Variants in GTF3C1 observed in about 807,000 individuals in gnomAD.
GTF3C1 encodes the protein general transcription factor 3C polypeptide 1.
Under a neutral mutation model 226.7 loss-of-function variants are expected in GTF3C1, and 57 were observed. The ratio of observed to expected loss-of-function variants is 0.25; its 90% CI spans 0.20 to 0.31. GTF3C1 has a LOEUF of 0.31. Ranked by LOEUF, GTF3C1 falls within the 10% of genes least tolerant of loss-of-function variation. The pLI, the probability that GTF3C1 is intolerant of heterozygous loss-of-function variation, is 1.00. For synonymous variants in GTF3C1, 1,090 were observed against 1,084.8 expected (o/e 1.00, Z -0.09); for missense variants, 2,217 against 2,776.1 (o/e 0.80, Z 4.53).
intron 32 of GTF3C1, chr16:27,465,754 A>G (rs912207445): frequency 3.5e-6 from 2 of 577,928 alleles, no homozygotes; most frequent in Non-Finnish European, 6.2e-6. Flanking sequence ...TGACTGGGAC[A>G]CAACAGCTGA....
chr16:27,522,219 T>C (rs1305423453), intron 6 of GTF3C1, among the ~76,000 whole-genome samples: 1 of 152,258 alleles, frequency 6.6e-6, no homozygotes, highest in Non-Finnish European at 1.5e-5. Context: ...CAATCAATTC[T>C]AGAACATTCT....
intron 19 of GTF3C1, among the ~76,000 whole-genome samples, chr16:27,491,311 G>C (rs190887612): frequency 6.6e-6 from 1 of 152,320 alleles, no homozygotes; most frequent in Admixed American, 6.5e-5. Flanking sequence ...TCTCCTGGTA[G>C]AGGTGGCAGG....
intron 4 of GTF3C1, among the ~76,000 whole-genome samples, chr16:27,536,853 G>C (rs556571294): frequency 6.6e-6 from 1 of 152,144 alleles, no homozygotes; most frequent in Admixed American, 6.5e-5. Flanking sequence ...CCACAAAAAA[G>C]GGCATGAGGT....
At chr16:27,521,405 C>T (rs571625557) in intron 6 of GTF3C1, among the ~76,000 whole-genome samples, 1 of 152,386 alleles carries the variant, frequency 6.6e-6, no homozygotes, top group South Asian at 2.1e-4. Flanking sequence ...CTTCCCCAGT[C>T]CTCACGCTCC....
chr16:27,505,894 C>G lies in GTF3C1; in HGVS notation c.1770+5G>C. 1.3e-6 allele frequency: 2 copies of G among 1,548,270 alleles called. No homozygotes were observed. The highest frequency in any genetic ancestry group is 1.8e-6 in the Non-Finnish European group (2 of 1,119,896). ...AGACAGCTCCCTCCCTCTGCATGCA[C>G]TGACCTTTGGGTTTTCCATCCGGAC... On this transcript the variant is annotated splice_donor_5th_base_variant and intron_variant, in intron 10 of 36. Transcript: ENST00000356183.
rs202098384 is a variant in GTF3C1, at chr16:27,470,360, G to A, written c.4562C>T (p.Thr1521Met). ...FTWRFPSTIC[T>M]ESFQFLDRMR... is the part of the protein sequence containing the mutation. Reference sequence around the variant, plus strand: ...TCTGTCCAAAAACTGGAATGACTCCGTGCAGATGGTGCTTGGAAATCGCCA... The same window carrying A: ...TCTGTCCAAAAACTGGAATGACTCCATGCAGATGGTGCTTGGAAATCGCCA... The change falls in exon 31 of 37, where the codon ACG becomes ATG. Residue 1521 changes from threonine (T) to methionine (M), a missense_variant. Around this residue, in one of 12 missense-constraint regions of GTF3C1, gnomAD observed 546 missense variants for 663.0 expected, o/e 0.82. Transcript: ENST00000356183. This position sits in a 1 kb window ranked among gnomAD's most constrained non-coding sequence, Gnocchi z 4.9. 1.2e-4 allele frequency: 186 copies of A among 1,613,948 alleles called. No individual in the cohort carries two copies. The East Asian group carries it at 1.4e-3, about 12-fold the overall frequency.
At chr16:27,512,580 C>T (rs780758459) in intron 6 of GTF3C1, among the ~76,000 whole-genome samples, 1 of 152,176 alleles carries the variant, frequency 6.6e-6, no homozygotes, top group African/African-American at 2.4e-5. Flanking sequence ...GCATACCTAC[C>T]AGCCATCTCA....
intron 6 of GTF3C1, among the ~76,000 whole-genome samples, chr16:27,515,468 A>C (rs191495934): frequency 3.5e-4 from 53 of 151,144 alleles, no homozygotes; most frequent in African/African-American, 6.4e-4. Flanking sequence ...AACACAACAA[A>C]AAAAAAAAAC....
intron 5 of GTF3C1, among the ~76,000 whole-genome samples, chr16:27,531,240 T>C (rs911499371): frequency 2.0e-5 from 3 of 152,234 alleles, no homozygotes; most frequent in Non-Finnish European, 2.9e-5. Context: ...TCCTTTCTGA[T>C]TGGGCCCCTA....
At chr16:27,535,428 A>T (rs1252971953) in intron 4 of GTF3C1, among the ~76,000 whole-genome samples, 1 of 152,144 alleles carries the variant, frequency 6.6e-6, no homozygotes, top group Admixed American at 6.5e-5. Context: ...CAAAAAAATT[A>T]GCCAGGTGTG....
intron 1 of GTF3C1, among the ~76,000 whole-genome samples, chr16:27,547,469 A>C (rs2089181591): frequency 1.3e-5 from 2 of 151,132 alleles, no homozygotes; most frequent in South Asian, 4.2e-4. Context: ...CCGTGTTCCC[A>C]GCCTCAGAGA....
At chr16:27,465,795 T>TA in intron 32 of GTF3C1, 1 of 523,560 alleles carries the variant, frequency 1.9e-6, no homozygotes, top group Non-Finnish European at 3.5e-6. Context: ...GTGATTCTCC[T>TA]GCTCAAGATG....
chr16:27,471,730 C>T lies in GTF3C1; in HGVS notation c.4526+18G>A, dbSNP rs765640279. 6.2e-7 allele frequency: 1 copy of T among 1,601,472 alleles called. No individual in the cohort carries two copies. Among genetic ancestry groups the T allele is most frequent in the African/African-American group, 1.3e-5 (1 of 74,748 alleles). ...TGGCTCCACCTCGGAGTACCCAAGG[C>T]TCCTGACAGGTACTCACCTGTAGTA... On this transcript the variant is annotated intron_variant, in intron 30 of 36. Coordinates refer to ENST00000356183, the MANE Select transcript of GTF3C1 (RefSeq NM_001520.4). This position sits in a 1 kb window ranked among gnomAD's most constrained non-coding sequence, Gnocchi z 5.0.
At chr16:27,518,820 C>A (rs1160125101) in intron 6 of GTF3C1, among the ~76,000 whole-genome samples, 3 of 152,206 alleles carry the variant, frequency 2.0e-5, no homozygotes, top group Non-Finnish European at 4.4e-5. Context: ...CCTCTCTGAG[C>A]CTCAAGTTCT....
chr16:27,498,588 T>TG, intron 13 of GTF3C1, 42 bp downstream of exon 13: 1 of 942,902 alleles, frequency 1.1e-6, no homozygotes, highest in East Asian at 2.4e-5. Flanking sequence ...CACACAGACC[T>TG]GGCAGCCTTG....
chr16:27,498,449 T>G (rs554429677), intron 13 of GTF3C1, among the ~76,000 whole-genome samples, 181 bp downstream of exon 13: 1 of 152,136 alleles, frequency 6.6e-6, no homozygotes, highest in Admixed American at 6.5e-5. Flanking sequence ...ACTTTTTTTT[T>G]CCCCCTAAAG....
chr16:27,481,289 C>A, intron 26 of GTF3C1, 98 bp from the exon 27 acceptor site: 1 of 999,852 alleles, frequency 1.0e-6, no homozygotes, highest in South Asian at 1.4e-5. Flanking sequence ...AACTCCTGCA[C>A]CAGCTAAGTC....
chr16:27,489,949 G>GT (rs1376984556), intron 19 of GTF3C1, among the ~76,000 whole-genome samples: 2 of 152,252 alleles, frequency 1.3e-5, no homozygotes, highest in African/African-American at 4.8e-5. Context: ...GAGAGTTGGA[G>GT]TGCTGGTGGG....
chr16:27,495,054 G>T, intron 15 of GTF3C1, 146 bp from the exon 16 acceptor site: 1 of 886,900 alleles, frequency 1.1e-6, no homozygotes, highest in Non-Finnish European at 1.8e-6. Context: ...GGAAGATGAG[G>T]AAGAAAGCCT....
Sources: allele counts gnomAD v4.1 joint callset (sites outside exome capture counted in the v4.1 genomes callset), GRCh38; gene constraint gnomAD v4.1.1; regional missense constraint gnomAD v4.1.1; non-coding constraint Gnocchi (gnomAD v3.1); transcripts MANE v1.5; gene names NCBI Gene and HGNC (gene_info 2026-07-23, HGNC 2026-07-21).